The following LEF1 variants were observed in gnomAD, a reference collection of about 807,000 sequenced individuals.
The protein encoded by LEF1 is lymphoid enhancer binding factor 1.
A neutral mutation model predicts 51.2 loss-of-function variants in LEF1; 14 were observed. That is an observed-to-expected ratio of 0.27 (90% CI 0.18 to 0.43). The LOEUF (loss-of-function observed/expected upper bound fraction) is 0.43. Ranked by LOEUF, LEF1 falls within the 20% of genes least tolerant of loss-of-function variation. The pLI, the probability that LEF1 is intolerant of heterozygous loss-of-function variation, is 1.00. For missense variants in LEF1, 386 were observed against 512.0 expected (o/e 0.75, Z 2.37); for synonymous variants, 185 against 183.2 (o/e 1.01, Z -0.08).
intron 3 of LEF1, among the ~76,000 whole-genome samples, chr4:108,108,861 T>C (rs894933067): frequency 1.3e-5 from 2 of 152,174 alleles, no homozygotes; most frequent in Admixed American, 1.3e-4. Context: ...CTTAATTACA[T>C]TAAAAAGATC....
intron 11 of LEF1, among the ~76,000 whole-genome samples, chr4:108,051,538 G>A (rs990779459): frequency 2.0e-5 from 3 of 152,154 alleles, no homozygotes; most frequent in Non-Finnish European, 2.9e-5. Flanking sequence ...GGCGAGCCCC[G>A]GCACAGCCCA....
intron 3 of LEF1, among the ~76,000 whole-genome samples, chr4:108,156,173 C>A (rs1158491576): frequency 6.6e-6 from 1 of 152,188 alleles, no homozygotes; most frequent in Non-Finnish European, 1.5e-5. Flanking sequence ...ATCTCCATTT[C>A]TTCAATTAGG....
chr4:108,087,763 T>A (rs1487197424), intron 4 of LEF1, among the ~76,000 whole-genome samples: 9 of 152,202 alleles, frequency 5.9e-5, no homozygotes, highest in Non-Finnish European at 1.3e-4. Context: ...GGTCTGAGAT[T>A]GTGACCCACA....
chr4:108,087,241 C>A (rs991804188), intron 4 of LEF1, among the ~76,000 whole-genome samples: 1 of 151,978 alleles, frequency 6.6e-6, no homozygotes, highest in Non-Finnish European at 1.5e-5. Context: ...CAGAAGTACA[C>A]GATGATAAGG....
chr4:108,133,353 G>A (rs1743028505), intron 3 of LEF1, among the ~76,000 whole-genome samples: 1 of 152,188 alleles, frequency 6.6e-6, no homozygotes, highest in African/African-American at 2.4e-5. Context: ...ATGTGACAGT[G>A]ACTATGTAAT....
chr4:108,116,579 A>C (rs1002958607), intron 3 of LEF1, among the ~76,000 whole-genome samples: 1 of 152,202 alleles, frequency 6.6e-6, no homozygotes, highest in Non-Finnish European at 1.5e-5. Context: ...ACTAGAGTAC[A>C]GTACACCCCA....
chr4:108,132,694 G>C (rs1412310531), intron 3 of LEF1, among the ~76,000 whole-genome samples: 1 of 63,680 alleles, frequency 1.6e-5, no homozygotes, highest in Non-Finnish European at 3.0e-5. Context: ...TTGAGGCAGG[G>C]TCTTGCTCTG....
At chr4:108,059,324 A>G (rs967084629) in intron 11 of LEF1, among the ~76,000 whole-genome samples, 2 of 152,182 alleles carry the variant, frequency 1.3e-5, no homozygotes, top group African/African-American at 4.8e-5. Context: ...CTTTAAAGAA[A>G]TGAAAATACA....
rs534324132 is a variant in LEF1 at position 108,158,710 on chromosome 4, T to A, written c.414+4858A>T. ...AATCACATAAACCCAAATGGTTCTG[T>A]CTAAAGAACATTAAAAAAAAAAAAC... On this transcript the variant is annotated intron_variant, in intron 3 of 11. Coordinates refer to ENST00000265165, the MANE Select transcript of LEF1 (RefSeq NM_016269.5). 1.2e-4 allele frequency among the ~76,000 whole-genome samples: 19 copies of A among 152,074 alleles called. No individual in the cohort carries two copies. In the South Asian group the frequency reaches 3.3e-3, roughly 27 times the overall value.
At chr4:108,093,540 C>T (rs1740190220) in intron 3 of LEF1, among the ~76,000 whole-genome samples, 1 of 152,100 alleles carries the variant, frequency 6.6e-6, no homozygotes, top group Admixed American at 6.5e-5. Context: ...CCCAGGGTCA[C>T]AGGATGCACA....
At chr4:108,070,954 T>C in intron 8 of LEF1, 184 bp from the exon 9 acceptor site, 2 of 539,456 alleles carry the variant, frequency 3.7e-6, no homozygotes, top group Non-Finnish European at 3.3e-6. Flanking sequence ...ACAGTGAAAC[T>C]CAAACTTTGG....
intron 11 of LEF1, among the ~76,000 whole-genome samples, chr4:108,059,450 G>A (rs1737528440): frequency 6.6e-6 from 1 of 152,034 alleles, no homozygotes; most frequent in Non-Finnish European, 1.5e-5. Flanking sequence ...CTGAGTAGCT[G>A]GGACTACAGG....
chr4:108,133,005 G>A (rs752976576), intron 3 of LEF1, among the ~76,000 whole-genome samples: 12 of 151,520 alleles, frequency 7.9e-5, no homozygotes, highest in East Asian at 3.9e-4. Context: ...ATGGAGTCTC[G>A]CTCTGTCGCC....
intron 3 of LEF1, among the ~76,000 whole-genome samples, chr4:108,102,116 C>T (rs1560791029): frequency 6.6e-6 from 1 of 150,586 alleles, no homozygotes; most frequent in South Asian, 2.1e-4. Context: ...TTTTAAGAAT[C>T]AGTTTTAAAA....
In LEF1 at chr4:108,064,404, C is replaced by T; in HGVS notation, c.1117-20G>A. 2 of 1,587,260 alleles carry T rather than the reference C, an allele frequency of 1.3e-6. No homozygotes were observed. The highest frequency in any genetic ancestry group is 1.7e-6 in the Non-Finnish European group (2 of 1,156,672). On this transcript the variant is annotated intron_variant, in intron 9 of 11. Transcript: ENST00000265165. ...CTTACCCTGGAAGAAGAGAGGTATA[C>T]TGTCATGTCACAGATTGTACCATGA...
chr4:108,085,093 A>G (rs991497750), intron 4 of LEF1, among the ~76,000 whole-genome samples: 2 of 152,016 alleles, frequency 1.3e-5, no homozygotes, highest in African/African-American at 4.8e-5. Context: ...ATTTTATTTT[A>G]TTTTGTTTTA....
At chr4:108,066,659 C>A in intron 9 of LEF1, among the ~76,000 whole-genome samples, 1 of 152,190 alleles carries the variant, frequency 6.6e-6, no homozygotes. Flanking sequence ...TCAAGAGAAT[C>A]TACATTTATG....
At chr4:108,144,986 G>T (rs894528931) in intron 3 of LEF1, among the ~76,000 whole-genome samples, 1 of 151,812 alleles carries the variant, frequency 6.6e-6, no homozygotes, top group African/African-American at 2.4e-5. Flanking sequence ...TATCTTATCG[G>T]AACAAATAGG....
At chr4:108,085,379 G>T (rs1009300255) in intron 4 of LEF1, among the ~76,000 whole-genome samples, 1 of 152,214 alleles carries the variant, frequency 6.6e-6, no homozygotes, top group African/African-American at 2.4e-5. Flanking sequence ...CCACAGCCCT[G>T]AATTATCTAC....
Sources: gnomAD v4.1 joint callset for allele counts (sites outside exome capture counted in the v4.1 genomes callset) on GRCh38, gnomAD v4.1.1 for gene constraint, MANE v1.5 for transcripts, NCBI Gene and HGNC (gene_info 2026-07-23, HGNC 2026-07-21) for gene names.